BNC2: variants seen among roughly 807,000 people sequenced by gnomAD.
BNC2 encodes zinc finger protein basonuclin-2.
A neutral mutation model predicts 76.3 loss-of-function variants in BNC2; 20 were observed. The observed-to-expected ratio is 0.26, with a 90% CI of 0.18 to 0.38. The LOEUF is 0.38. Ranked by LOEUF, BNC2 falls within the 10% of genes least tolerant of loss-of-function variation. The probability of loss-of-function intolerance (pLI) is 1.00; values close to 1 mark genes in which losing one functional copy is unlikely to be tolerated. For missense variants in BNC2, 1,382 were observed against 1,399.8 expected (o/e 0.99, Z 0.20); for synonymous variants, 582 against 514.8 (o/e 1.13, Z -1.77).
intron 1 of BNC2, among the ~76,000 whole-genome samples, chr9:16,762,165 T>C (rs1475108790): frequency 6.6e-6 from 1 of 152,122 alleles, no homozygotes; most frequent in Non-Finnish European, 1.5e-5. Flanking sequence ...GATCCTCTAT[T>C]TTTTCATGGA....
intron 1 of BNC2, among the ~76,000 whole-genome samples, chr9:16,782,512 T>A (rs1169563674): frequency 6.6e-6 from 1 of 152,154 alleles, no homozygotes; most frequent in Non-Finnish European, 1.5e-5. Context: ...TGCTGACTTC[T>A]CTATTTTCTC....
At chr9:16,600,894 C>T (rs779955179) in intron 3 of BNC2, among the ~76,000 whole-genome samples, 7 of 152,256 alleles carry the variant, frequency 4.6e-5, no homozygotes, top group Non-Finnish European at 8.8e-5. Flanking sequence ...AATAATAATG[C>T]ACAACAAAGG....
At chr9:16,777,912 A>T (rs1468327600) in intron 1 of BNC2, among the ~76,000 whole-genome samples, 1 of 152,194 alleles carries the variant, frequency 6.6e-6, no homozygotes, top group East Asian at 1.9e-4. Flanking sequence ...CATGTTACTA[A>T]ACACTGAAAA....
chr9:16,763,921 C>T (rs1297542333), intron 1 of BNC2, among the ~76,000 whole-genome samples: 1 of 152,184 alleles, frequency 6.6e-6, no homozygotes, highest in Non-Finnish European at 1.5e-5. Context: ...TCCTGCTGAA[C>T]ACTAATCACT....
chr9:16,455,030 A>G (rs1360397906), intron 5 of BNC2, among the ~76,000 whole-genome samples: 1 of 152,226 alleles, frequency 6.6e-6, no homozygotes, highest in African/African-American at 2.4e-5. Context: ...GGAAAGAAAA[A>G]GAAATGCAGG....
chr9:16,433,007 A>G (rs75720572), intron 6 of BNC2, among the ~76,000 whole-genome samples: 13,626 of 152,198 alleles, frequency 0.09, 651 homozygotes, highest in Middle Eastern at 0.15. Context: ...TTGACAAAAT[A>G]ACAATAAAAG....
rs1822902047 is a variant in BNC2, at chr9:16,684,020, AC to A, written c.330+43776del. On this transcript the variant is annotated intron_variant, in intron 3 of 6. Coordinates refer to ENST00000380672, the MANE Select transcript of BNC2 (RefSeq NM_017637.6). ...CTGGTTCATCTACAACCAGAATGTT[AC>A]TTTAACCTGTAAATATAACATTTTC... Among the ~76,000 whole-genome samples, 27 of 152,332 alleles carry A rather than the reference AC, an allele frequency of 1.8e-4. No individual in the cohort carries two copies. The South Asian group carries it at 5.6e-3, about 32-fold the overall frequency.
intron 1 of BNC2, among the ~76,000 whole-genome samples, chr9:16,827,977 C>A (rs555605098): frequency 6.6e-6 from 1 of 152,212 alleles, no homozygotes; most frequent in Non-Finnish European, 1.5e-5. Flanking sequence ...ATAGAATTAC[C>A]TTATATATCC....
Position 16,868,932 on chromosome 9 carries a change from C to T in BNC2, c.3+1714G>A, listed in dbSNP as rs549782292. 2.0e-5 allele frequency among the ~76,000 whole-genome samples: 3 copies of T among 152,262 alleles called. No individual in the cohort carries two copies. The South Asian group carries it at 6.2e-4, about 32-fold the overall frequency. Reference sequence around the variant, plus strand: ...ATTCCTCCCATTTAAAGCATGTATGCGTGTGGACAGTAACACGTGAAATTG... The same window carrying T: ...ATTCCTCCCATTTAAAGCATGTATGTGTGTGGACAGTAACACGTGAAATTG... On this transcript the variant is annotated intron_variant, in intron 1 of 6. Transcript: ENST00000380672.
intron 5 of BNC2, among the ~76,000 whole-genome samples, chr9:16,453,134 T>C (rs1821377215): frequency 6.6e-6 from 1 of 152,180 alleles, no homozygotes; most frequent in Admixed American, 6.5e-5. Flanking sequence ...ACCTACACTT[T>C]GCTGAGGCCT....
At chr9:16,806,819 G>A (rs912587521) in intron 1 of BNC2, among the ~76,000 whole-genome samples, 1 of 152,166 alleles carries the variant, frequency 6.6e-6, no homozygotes, top group Non-Finnish European at 1.5e-5. Flanking sequence ...GGTGGAGGAA[G>A]TTAACAGGTG....
intron 1 of BNC2, among the ~76,000 whole-genome samples, chr9:16,817,276 TCTC>T (rs773750697): frequency 2.0e-4 from 30 of 152,124 alleles, no homozygotes; most frequent in Non-Finnish European, 2.9e-4. Context: ...CCATTAATGT[TCTC>T]CTCTCCTCGC....
intron 1 of BNC2, among the ~76,000 whole-genome samples, chr9:16,763,957 G>A (rs1479004984): frequency 6.6e-6 from 1 of 152,118 alleles, no homozygotes; most frequent in Non-Finnish European, 1.5e-5. Context: ...ATAGCAAGTG[G>A]GGGGAAAACT....
chr9:16,571,853 A>G, intron 4 of BNC2, among the ~76,000 whole-genome samples: 1 of 152,270 alleles, frequency 6.6e-6, no homozygotes, highest in East Asian at 1.9e-4. Context: ...ATAATAAAAT[A>G]TGAAGAACTG....
intron 5 of BNC2, chr9:16,473,057 G>C (rs555250218): frequency 3.3e-4 from 51 of 152,370 alleles, no homozygotes; most frequent in African/African-American, 1.1e-3. Context: ...GACTACTTTG[G>C]AGCTAAGCAT....
At chr9:16,749,141 A>G (rs945785687) in intron 1 of BNC2, among the ~76,000 whole-genome samples, 4 of 151,974 alleles carry the variant, frequency 2.6e-5, no homozygotes, top group Non-Finnish European at 4.4e-5. Context: ...AACTGTGCTC[A>G]TATTAGCCCA....
At position 16,435,539 on chromosome 9, in the gene BNC2, A is replaced by G. The variant is rs748861300; in HGVS notation, c.2639+16T>C. 24 of 1,613,110 alleles carry G rather than the reference A, an allele frequency of 1.5e-5. No homozygotes were observed. In the East Asian group the frequency reaches 3.8e-4, roughly 25 times the overall value. On this transcript the variant is annotated intron_variant, in intron 6 of 6. Coordinates refer to ENST00000380672, the MANE Select transcript of BNC2 (RefSeq NM_017637.6). The stretch of plus-strand genomic sequence containing the variant: ...CCTCCACCCCCAGCAGGAGCAGCCA[A>G]TGGAGATTTACTGACCTGTCTCGGC...
chr9:16,700,324 G>A (rs1288048667), intron 3 of BNC2, among the ~76,000 whole-genome samples: 1 of 152,094 alleles, frequency 6.6e-6, no homozygotes, highest in East Asian at 1.9e-4. Context: ...CGAGGGAGGA[G>A]GACTGCTTGA....
At chr9:16,792,716 A>C (rs1047813423) in intron 1 of BNC2, among the ~76,000 whole-genome samples, 1 of 152,238 alleles carries the variant, frequency 6.6e-6, no homozygotes, top group Admixed American at 6.5e-5. Context: ...CGTATTTATC[A>C]TAAGCGTATA....
Sources: gnomAD v4.1 joint callset for allele counts (sites outside exome capture counted in the v4.1 genomes callset) on GRCh38, gnomAD v4.1.1 for gene constraint, MANE v1.5 for transcripts, NCBI Gene and HGNC (gene_info 2026-07-23, HGNC 2026-07-21) for gene names.